Variants in EYS observed in about 807,000 individuals in gnomAD.
The protein encoded by EYS is EGF-like photoreceptor maintenance factor, also known as protein eyes shut homolog.
EYS carries 250 observed loss-of-function variants against 282.1 expected under a neutral mutation model. That is an observed-to-expected ratio of 0.89 (90% CI 0.80 to 0.98). EYS has a LOEUF of 0.98. Ranked by LOEUF, EYS falls within the 50% of genes least tolerant of loss-of-function variation. EYS has a pLI of 0.00. For synonymous variants in EYS, 1,355 were observed against 1,282.9 expected (o/e 1.06, Z -1.20); for missense variants, 4,016 against 3,709.0 (o/e 1.08, Z -2.15).
At chr6:64,034,123 G>A (rs1220174074) in intron 33 of EYS, among the ~76,000 whole-genome samples, 1 of 152,096 alleles carries the variant, frequency 6.6e-6, no homozygotes, top group Non-Finnish European at 1.5e-5. Flanking sequence ...CAAATTAAAT[G>A]GTAGGCCAAA....
intron 22 of EYS, among the ~76,000 whole-genome samples, chr6:64,773,672 C>A (rs1773592259): frequency 6.6e-6 from 1 of 151,900 alleles, no homozygotes; most frequent in Non-Finnish European, 1.5e-5. Flanking sequence ...GTCTTTCTGA[C>A]TGTTGTGAGA....
chr6:65,558,801 A>G (rs1768918290), intron 2 of EYS, among the ~76,000 whole-genome samples: 1 of 152,226 alleles, frequency 6.6e-6, no homozygotes. Flanking sequence ...GAGAACACAC[A>G]GAGGATAATT....
At chr6:65,007,055 GT>G (rs1771692227) in intron 13 of EYS, among the ~76,000 whole-genome samples, 1 of 152,192 alleles carries the variant, frequency 6.6e-6, no homozygotes, top group African/African-American at 2.4e-5. Flanking sequence ...AGGCATGCTG[GT>G]AAAGGACCAC....
At position 65,441,000 on chromosome 6, in the gene EYS, CTG is replaced by C. The variant is rs201577400; in HGVS notation, c.863-35635_863-35634del. 6.8e-5 allele frequency among the ~76,000 whole-genome samples: 10 copies of C among 147,080 alleles called. No individual in the cohort carries two copies. The Admixed American group carries it at 6.9e-4, about 10-fold the overall frequency. On this transcript the variant is annotated intron_variant, in intron 5 of 42. Coordinates refer to ENST00000503581, the MANE Select transcript of EYS (RefSeq NM_001142800.2). ...TATATATATATCTATATATATTAAA[CTG>C]TGTGTGTGTTTGGCACATCATAGGA...
chr6:64,952,141 A>G (rs987318381), intron 14 of EYS, among the ~76,000 whole-genome samples: 13 of 152,042 alleles, frequency 8.6e-5, no homozygotes, highest in African/African-American at 3.1e-4. Flanking sequence ...GCAAGAACCC[A>G]GTGAGCCAAC....
chr6:63,862,947 C>T (rs545839276), intron 36 of EYS, among the ~76,000 whole-genome samples: 2 of 152,138 alleles, frequency 1.3e-5, no homozygotes, highest in South Asian at 2.1e-4. Context: ...CCCATGTATC[C>T]GAAACTTCAA....
chr6:65,558,240 C>T (rs1768895574), intron 2 of EYS, among the ~76,000 whole-genome samples: 1 of 152,236 alleles, frequency 6.6e-6, no homozygotes, highest in Non-Finnish European at 1.5e-5. Context: ...AGACACCTGG[C>T]CTCCCTCCCA....
intron 22 of EYS, among the ~76,000 whole-genome samples, chr6:64,657,102 T>C: frequency 6.6e-6 from 1 of 152,222 alleles, no homozygotes; most frequent in Non-Finnish European, 1.5e-5. Context: ...CCTTTACCAT[T>C]ATGTAATGGC....
intron 12 of EYS, among the ~76,000 whole-genome samples, chr6:65,065,375 A>G (rs111874497): frequency 7.3e-5 from 11 of 150,976 alleles, no homozygotes; most frequent in Non-Finnish European, 1.0e-4. Flanking sequence ...TTTGTCTGGG[A>G]AAAAAACAAT....
chr6:65,674,021 T>C (rs1339202024), intron 1 of EYS, among the ~76,000 whole-genome samples: 1 of 151,960 alleles, frequency 6.6e-6, no homozygotes, highest in Non-Finnish European at 1.5e-5. Flanking sequence ...AATAAAATTA[T>C]ATAATTAAAT....
At chr6:64,780,795 C>A (rs1189260206) in intron 22 of EYS, among the ~76,000 whole-genome samples, 1 of 152,068 alleles carries the variant, frequency 6.6e-6, no homozygotes, top group African/African-American at 2.4e-5. Flanking sequence ...CAAAAATATT[C>A]TTTAAAAAAA....
intron 29 of EYS, among the ~76,000 whole-genome samples, chr6:64,366,588 C>T (rs572413735): frequency 6.6e-6 from 1 of 152,078 alleles, no homozygotes; most frequent in East Asian, 1.9e-4. Flanking sequence ...AAGGGTAAAG[C>T]ATATTGCCTT....
At chr6:64,794,416 G>C (rs1774290460) in intron 22 of EYS, among the ~76,000 whole-genome samples, 1 of 152,076 alleles carries the variant, frequency 6.6e-6, no homozygotes, top group African/African-American at 2.4e-5. Context: ...TTGCTATCAT[G>C]ATAGAGTTTT....
intron 22 of EYS, among the ~76,000 whole-genome samples, chr6:64,685,161 A>G (rs1170724457): frequency 2.6e-5 from 4 of 152,146 alleles, no homozygotes; most frequent in Non-Finnish European, 2.9e-5. Context: ...CAAGATGGGA[A>G]ACATTACCAG....
intron 2 of EYS, among the ~76,000 whole-genome samples, chr6:65,585,598 A>AG (rs1449490605): frequency 1.3e-5 from 2 of 151,974 alleles, no homozygotes; most frequent in African/African-American, 4.8e-5. Flanking sequence ...AACAGTTTTT[A>AG]GTGTACTCTT....
chr6:63,892,667 T>C (rs180760200), intron 35 of EYS, among the ~76,000 whole-genome samples: 1 of 152,158 alleles, frequency 6.6e-6, no homozygotes, highest in Admixed American at 6.5e-5. Flanking sequence ...GACATAGGCA[T>C]GGGCAAAGAC....
chr6:65,171,680 A>T (rs909869536), intron 12 of EYS, among the ~76,000 whole-genome samples: 4 of 151,426 alleles, frequency 2.6e-5, no homozygotes, highest in East Asian at 2.0e-4. Context: ...CCAAGCAAAC[A>T]CTGCTCACAG....
At chr6:64,157,324 T>C (rs1273936975) in intron 31 of EYS, among the ~76,000 whole-genome samples, 1 of 152,124 alleles carries the variant, frequency 6.6e-6, no homozygotes, top group Non-Finnish European at 1.5e-5. Flanking sequence ...TTCAGTTTTA[T>C]AAGGGATGTA....
At chr6:64,333,900 C>G (rs928653961) in intron 29 of EYS, among the ~76,000 whole-genome samples, 1 of 152,142 alleles carries the variant, frequency 6.6e-6, no homozygotes, top group Non-Finnish European at 1.5e-5. Flanking sequence ...TCTGGGAGGT[C>G]AATGGCCCTG....
Sources: gnomAD v4.1 joint callset for allele counts (sites outside exome capture counted in the v4.1 genomes callset) on GRCh38, gnomAD v4.1.1 for gene constraint, MANE v1.5 for transcripts, NCBI Gene and HGNC (gene_info 2026-07-23, HGNC 2026-07-21) for gene names.